HBS1L: variants seen among roughly 807,000 people sequenced by gnomAD.
The protein encoded by HBS1L is HBS1 like translational GTPase.
A neutral mutation model predicts 88.9 loss-of-function variants in HBS1L; 55 were observed. That is an observed-to-expected ratio of 0.62 (90% CI 0.50 to 0.77). The LOEUF (loss-of-function observed/expected upper bound fraction) is 0.77, where lower values mean the gene tolerates loss of function less well. HBS1L is among the 30% of genes least tolerant of loss of function. HBS1L has a pLI of 0.00. For missense variants in HBS1L, 741 were observed against 829.3 expected (o/e 0.89, Z 1.31); for synonymous variants, 267 against 288.5 (o/e 0.93, Z 0.76).
intron 13 of HBS1L, among the ~76,000 whole-genome samples, chr6:134,981,150 A>G (rs1051598902): frequency 3.3e-5 from 5 of 151,958 alleles, no homozygotes; most frequent in African/African-American, 1.2e-4. Flanking sequence ...TGATAACTTT[A>G]GGATCATGGT....
intron 1 of HBS1L, among the ~76,000 whole-genome samples, chr6:135,053,935 A>T (rs905747778): frequency 3.3e-5 from 5 of 152,182 alleles, no homozygotes; most frequent in African/African-American, 1.2e-4. Context: ...TTTAATATCA[A>T]AAAGTCCTTT....
intron 4 of HBS1L, chr6:135,037,659 A>C: frequency 1.3e-6 from 2 of 1,550,214 alleles, no homozygotes; most frequent in Non-Finnish European, 1.7e-6. Context: ...ATTCAGATGC[A>C]TGAGGTCTCA....
In HBS1L at chr6:134,964,634, T is replaced by C. The variant is rs1774257409; in HGVS notation, c.*645A>G. 6.6e-6 allele frequency: 1 copy of C among 152,322 alleles called. No individual in the cohort carries two copies. The highest frequency in any genetic ancestry group is 6.5e-5 in the Admixed American group (1 of 15,274). 9.4% of individuals were successfully genotyped at this position (152,322 alleles called of 1,614,324 possible). A position where few individuals can be genotyped will look rare whatever the true frequency, so the allele number is the denominator to read the frequency against. The stretch of plus-strand genomic sequence containing the variant: ...AAAGAACAAAACACAGTTTGTATTA[T>C]GCTCAAACTAAGGCATTTTATTAGC... On this transcript the variant is annotated 3_prime_UTR_variant, in exon 18 of 18. Coordinates refer to ENST00000367837, the MANE Select transcript of HBS1L (RefSeq NM_006620.4).
chr6:134,983,607 T>C (rs559430231), intron 12 of HBS1L: 3 of 152,194 alleles, frequency 2.0e-5, no homozygotes, highest in South Asian at 4.1e-4. Context: ...TCACACCACA[T>C]TCCATGAGAA....
chr6:134,986,823 C>T lies in HBS1L; in HGVS notation c.1231-13G>A, dbSNP rs199836977. The T allele has an allele frequency of 8.0e-5, 116 of 1,458,184 alleles. No individual in the cohort carries two copies. In the East Asian group the frequency reaches 2.9e-3, roughly 36 times the overall value. 90.3% of individuals were successfully genotyped at this position (1,458,184 alleles called of 1,614,324 possible). ...GTTGCCAATTAACCTGATAAAGATC[C>T]AATTTATTTTTAAAACTATCCTTCA... On this transcript the variant is annotated splice_polypyrimidine_tract_variant and intron_variant, in intron 9 of 17. Transcript: ENST00000367837.
intron 2 of HBS1L, among the ~76,000 whole-genome samples, chr6:135,050,120 C>T (rs1158133974): frequency 6.6e-6 from 1 of 152,188 alleles, no homozygotes; most frequent in Admixed American, 6.5e-5. Context: ...TCCTCTGTGG[C>T]TCCAAAAGAA....
intron 4 of HBS1L, among the ~76,000 whole-genome samples, chr6:135,015,541 A>G (rs1055470281): frequency 2.0e-5 from 3 of 152,164 alleles, no homozygotes; most frequent in Admixed American, 2.0e-4. Flanking sequence ...AAAAACTGCC[A>G]ACAAAGTGCC....
intron 4 of HBS1L, among the ~76,000 whole-genome samples, chr6:135,014,557 C>T (rs1054307986): frequency 6.6e-6 from 1 of 151,844 alleles, no homozygotes; most frequent in African/African-American, 2.4e-5. Context: ...ACTATAGTAC[C>T]GGAAATGAGT....
chr6:134,998,281 C>T (rs1775347987), intron 5 of HBS1L, among the ~76,000 whole-genome samples: 1 of 152,196 alleles, frequency 6.6e-6, no homozygotes, highest in Admixed American at 6.5e-5. Context: ...TAAAAGATTA[C>T]AATCTAGTGA....
chr6:135,010,322 C>T (rs1230060090), intron 4 of HBS1L, among the ~76,000 whole-genome samples: 1 of 152,120 alleles, frequency 6.6e-6, no homozygotes, highest in African/African-American at 2.4e-5. Flanking sequence ...TGATATAATA[C>T]ATATCATATA....
chr6:134,996,642 C>A, intron 7 of HBS1L, 135 bp downstream of exon 7: 1 of 580,560 alleles, frequency 1.7e-6, no homozygotes, highest in Non-Finnish European at 2.8e-6. Flanking sequence ...AAAATAGTTC[C>A]CTGATATCTA....
At chr6:135,024,417 G>A (rs1776162614) in intron 4 of HBS1L, among the ~76,000 whole-genome samples, 1 of 142,070 alleles carries the variant, frequency 7.0e-6, no homozygotes. Flanking sequence ...TCAAGCCTGG[G>A]TGACAGAGTG....
chr6:134,999,127 T>A (rs1452124994), intron 5 of HBS1L, among the ~76,000 whole-genome samples: 1 of 152,216 alleles, frequency 6.6e-6, no homozygotes, highest in Non-Finnish European at 1.5e-5. Flanking sequence ...CTGGTCTGAA[T>A]CAGACCTGGC....
In HBS1L at chr6:134,987,720, T is replaced by C; in HGVS notation, c.1155A>G (p.Gln385=). ...GGACCAAGAGTCCATGCTCTCGTGT[T>C]TGTCCTCCAGTCTCAAATCCAGCTT... The part of the protein sequence containing the change: ...EFEAGFETGG[Q]TREHGLLVRS... Residue 385 remains glutamine (Q), a synonymous_variant, in exon 9 of 18, where the codon CAA becomes CAG. Transcript: ENST00000367837. 1 of 1,609,466 alleles carries C rather than the reference T, an allele frequency of 6.2e-7. No individual in the cohort carries two copies. Among genetic ancestry groups the C allele is most frequent in the Non-Finnish European group, 8.5e-7 (1 of 1,177,818 alleles).
chr6:134,992,620 A>G (rs1050794265), intron 8 of HBS1L, among the ~76,000 whole-genome samples: 1 of 152,200 alleles, frequency 6.6e-6, no homozygotes, highest in Non-Finnish European at 1.5e-5. Context: ...TAAAAAATAC[A>G]TATTAAAAAA....
At chr6:134,985,694 CT>C (rs1483150994) in intron 11 of HBS1L, among the ~76,000 whole-genome samples, 1 of 151,944 alleles carries the variant, frequency 6.6e-6, no homozygotes, top group East Asian at 1.9e-4. Context: ...GGCTGTTCAA[CT>C]AATAAGTATA....
chr6:134,991,014 G>GTAT (rs1481123720), intron 8 of HBS1L, among the ~76,000 whole-genome samples: 1 of 150,686 alleles, frequency 6.6e-6, no homozygotes, highest in Non-Finnish European at 1.5e-5. Flanking sequence ...TACACAGCCA[G>GTAT]TATTCAATAA....
At chr6:135,036,427 C>A in intron 4 of HBS1L, 1 of 1,348,188 alleles carries the variant, frequency 7.4e-7, no homozygotes, top group South Asian at 2.2e-5. Context: ...AAATACGTAT[C>A]AACTAATCAA....
chr6:135,029,212 A>G (rs764618293), intron 4 of HBS1L, among the ~76,000 whole-genome samples: 6 of 152,268 alleles, frequency 3.9e-5, no homozygotes, highest in Non-Finnish European at 8.8e-5. Flanking sequence ...CCCTTAAGAA[A>G]AAAAGCTAAT....
Sources: gnomAD v4.1 joint callset for allele counts (sites outside exome capture counted in the v4.1 genomes callset) on GRCh38, gnomAD v4.1.1 for gene constraint, MANE v1.5 for transcripts, NCBI Gene and HGNC (gene_info 2026-07-23, HGNC 2026-07-21) for gene names.